SNRPN: variants seen among roughly 807,000 people sequenced by gnomAD.
The protein encoded by SNRPN is small nuclear ribonucleoprotein-associated protein N.
In SNRPN, 7 loss-of-function variants were observed where a neutral mutation model predicts 25.2. The ratio of observed to expected loss-of-function variants is 0.28; its 90% CI spans 0.16 to 0.52. The LOEUF (loss-of-function observed/expected upper bound fraction) is 0.52. Ranked by LOEUF, SNRPN falls within the 20% of genes least tolerant of loss-of-function variation. The pLI is 0.96. For missense variants in SNRPN, 196 were observed against 322.5 expected, an observed-to-expected ratio of 0.61 and a Z score of 3.00; for synonymous variants, 124 against 110.6, an observed-to-expected ratio of 1.12 and a Z score of -0.76.
Position 24,929,305 on chromosome 15 carries a change from G to C in SNRPN, c.-391+9181G>C, listed in dbSNP as rs1188280316. ...CATTAAGAACCCTCTCTCCCAGTGA[G>C]TGTCACCCCATTTCTGTTTCATCTC... On this transcript the variant is annotated intron_variant, in intron 3 of 11. Transcript: ENST00000400097. This position sits in a 1 kb window ranked among gnomAD's most constrained non-coding sequence, Gnocchi z 5.3. 6.6e-6 allele frequency among the ~76,000 whole-genome samples: 1 copy of C among 151,910 alleles called. No homozygotes were observed. Among genetic ancestry groups the C allele is most frequent in the East Asian group, 1.9e-4 (1 of 5,164 alleles).
Position 24,873,276 on chromosome 15 carries a change from T to C in SNRPN, c.-578-13240T>C, listed in dbSNP as rs1303360428. Among the ~76,000 whole-genome samples the C allele has an allele frequency of 1.7e-5, 2 of 119,982 alleles. 1 individual carries two copies. The highest frequency in any genetic ancestry group is 3.6e-5 in the Non-Finnish European group (2 of 55,252). The allele number at this position is 119,982 out of a possible 152,430, so 78.7% of individuals were successfully genotyped here. A position where few individuals can be genotyped will look rare whatever the true frequency, so the allele number is the denominator to read the frequency against. On this transcript the variant is annotated intron_variant, in intron 1 of 11. Coordinates refer to the SNRPN transcript ENST00000400097. The stretch of plus-strand genomic sequence containing the variant: ...TAGTCTACAAAGCCATGGGACTACA[T>C]ACCACAGTCCCAGGGACAACCACAA...
intron 1 of SNRPN, among the ~76,000 whole-genome samples, chr15:24,879,400 G>A (rs1273532332): frequency 1.3e-5 from 2 of 150,728 alleles, no homozygotes; most frequent in South Asian, 4.2e-4. Context: ...TCCCGCCACT[G>A]CACTCTAGCC....
chr15:24,959,676 A>G (rs2074450208), intron 1 of SNRPN, among the ~76,000 whole-genome samples: 1 of 152,264 alleles, frequency 6.6e-6, no homozygotes, highest in East Asian at 1.9e-4. Flanking sequence ...TATTAGCTGT[A>G]TTTGTGTGCC....
intron 2 of SNRPN, among the ~76,000 whole-genome samples, chr15:24,918,705 TGCATATATATAACATAATA>T (rs2059763612): frequency 9.6e-6 from 1 of 104,294 alleles, no homozygotes; most frequent in Non-Finnish European, 1.8e-5. Flanking sequence ...TATATATGTG[TGCATATATATAACATAATA>T]TATATGTGTG....
intron 1 of SNRPN, among the ~76,000 whole-genome samples, chr15:24,878,479 C>T (rs1233140205): frequency 1.3e-5 from 2 of 152,250 alleles, no homozygotes; most frequent in Admixed American, 1.3e-4. Flanking sequence ...TTTCCGTTTC[C>T]GTGCGCCCCG....
upstream of SNRPN, among the ~76,000 whole-genome samples, chr15:24,852,945 GAGAAA>G (rs1378034082): frequency 6.6e-6 from 1 of 151,944 alleles, no homozygotes; most frequent in Non-Finnish European, 1.5e-5. Flanking sequence ...ACAAAAAAGA[GAGAAA>G]AGAAAAAATA....
chr15:24,924,177 G>A (rs2060232167), intron 3 of SNRPN, among the ~76,000 whole-genome samples: 1 of 151,792 alleles, frequency 6.6e-6, no homozygotes, highest in African/African-American at 2.4e-5. Flanking sequence ...ATACAAATTA[G>A]ATATGGACAC....
intron 2 of SNRPN, among the ~76,000 whole-genome samples, chr15:24,888,645 A>G (rs2057390579): frequency 6.6e-6 from 1 of 152,182 alleles, no homozygotes; most frequent in Non-Finnish European, 1.5e-5. Flanking sequence ...TGGTAAAAGC[A>G]TCAATCAGCC....
At chr15:24,865,203 T>C (rs2054459918) in intron 1 of SNRPN, among the ~76,000 whole-genome samples, 1 of 151,998 alleles carries the variant, frequency 6.6e-6, no homozygotes, top group African/African-American at 2.4e-5. Context: ...CCTGCCACCA[T>C]GTCCAGCTAA....
intron 2 of SNRPN, among the ~76,000 whole-genome samples, chr15:24,907,502 G>A (rs2058892547): frequency 6.6e-6 from 1 of 152,130 alleles, no homozygotes; most frequent in Non-Finnish European, 1.5e-5. Flanking sequence ...GGAGGCTGAG[G>A]CAGGAGAATG....
At chr15:24,865,046 CTT>C (rs35703226) in intron 1 of SNRPN, among the ~76,000 whole-genome samples, 1,674 of 132,918 alleles carry the variant, frequency 0.013, 28 homozygotes, top group African/African-American at 0.044. Context: ...GGAGACTGAG[CTT>C]TTTTTTTTTT....
rs140970995 is a variant in SNRPN at position 24,871,042 on chromosome 15, G to A, written c.-579+14326G>A. 5.7e-4 allele frequency among the ~76,000 whole-genome samples: 86 copies of A among 151,684 alleles called. 2 individuals carry two copies. Among genetic ancestry groups the A allele is most frequent in the African/African-American group, 1.9e-3 (80 of 41,392 alleles). ...ATTACAGGCACGCACCACCACGCCCGGCTAATTATTTGGTATTTTTAGCAG... is the reference window on the plus strand; with the variant it reads ...ATTACAGGCACGCACCACCACGCCCAGCTAATTATTTGGTATTTTTAGCAG... On this transcript the variant is annotated intron_variant, in intron 1 of 11. Transcript: ENST00000400097.
rs367780130 is a variant in SNRPN at position 24,973,503 on chromosome 15, T to A, written c.-143-808T>A. Among the ~76,000 whole-genome samples, 6 of 152,150 alleles carry A rather than the reference T, an allele frequency of 3.9e-5. No individual in the cohort carries two copies. In the East Asian group the frequency reaches 9.7e-4, roughly 24 times the overall value. On this transcript the variant is annotated intron_variant, in intron 3 of 9. Coordinates refer to ENST00000390687, the MANE Select transcript of SNRPN (RefSeq NM_003097.6). The stretch of plus-strand genomic sequence containing the variant: ...ACCTCTGCCTCCCAGGTTCAAGCGA[T>A]TCTCCTACCTCAGCCTCTCAAGTAG...
chr15:24,853,424 C>G (rs1044423746), upstream of SNRPN, among the ~76,000 whole-genome samples: 1 of 150,448 alleles, frequency 6.6e-6, no homozygotes, highest in East Asian at 1.9e-4. Flanking sequence ...AGATGACTCT[C>G]GTTCTGTTGC....
chr15:24,918,354 C>A, intron 2 of SNRPN, among the ~76,000 whole-genome samples: 1 of 71,382 alleles, frequency 1.4e-5, no homozygotes, highest in Non-Finnish European at 2.7e-5. Context: ...ATATATATAA[C>A]ATTATATATA....
In SNRPN at chr15:24,924,597, C is replaced by T. The variant is rs181158502; in HGVS notation, c.-391+4473C>T. ...TATTTTGGGGTGGAGATCCTCCCGC[C>T]TCAGTCTCTCAAGTAGCTAGGACCA... On this transcript the variant is annotated intron_variant, in intron 3 of 11. Transcript: ENST00000400097. Among the ~76,000 whole-genome samples, 7 of 152,130 alleles carry T rather than the reference C, an allele frequency of 4.6e-5. No homozygotes were observed. In the East Asian group the frequency reaches 1.4e-3, roughly 29 times the overall value.
chr15:24,853,629 G>C, upstream of SNRPN, among the ~76,000 whole-genome samples: 1 of 152,174 alleles, frequency 6.6e-6, no homozygotes, highest in Middle Eastern at 3.4e-3. Context: ...TCCTGACCTC[G>C]TGATCTGCCC....
At chr15:24,935,159 C>G (rs2061140819) in intron 3 of SNRPN, among the ~76,000 whole-genome samples, 1 of 151,864 alleles carries the variant, frequency 6.6e-6, no homozygotes, top group Non-Finnish European at 1.5e-5. Context: ...ATAGTCCCAG[C>G]TACTCGTGAG....
At chr15:24,977,152 C>T (rs1275992780) in intron 7 of SNRPN, 123 bp downstream of exon 7, 7 of 684,358 alleles carry the variant, frequency 1.0e-5, no homozygotes, top group African/African-American at 1.9e-5. Context: ...TAGGAGGAAC[C>T]AAAACACAGA....
Sources: gnomAD v4.1 joint callset for allele counts (sites outside exome capture counted in the v4.1 genomes callset) on GRCh38, gnomAD v4.1.1 for gene constraint, Gnocchi (gnomAD v3.1) non-coding constraint, MANE v1.5 for transcripts, NCBI Gene and HGNC (gene_info 2026-07-23, HGNC 2026-07-21) for gene names.